The following ZC2HC1B variants were observed in gnomAD, a reference collection of about 807,000 sequenced individuals.
ZC2HC1B encodes zinc finger C2HC-type containing 1B, also known as zinc finger C2HC domain-containing protein 1B.
A neutral mutation model predicts 31.0 loss-of-function variants in ZC2HC1B; 36 were observed. The observed-to-expected ratio is 1.16, with a 90% CI of 0.89 to 1.54. ZC2HC1B has a LOEUF of 1.54. Ranked by LOEUF, ZC2HC1B falls within the 40% of genes most tolerant of loss-of-function variation. The pLI, the probability that ZC2HC1B is intolerant of heterozygous loss-of-function variation, is 0.00. For missense variants in ZC2HC1B, 260 were observed against 268.6 expected (o/e 0.97, Z 0.22); for synonymous variants, 73 against 88.0 (o/e 0.83, Z 0.95).
rs1283789390 is a variant in ZC2HC1B, at chr6:143,898,705, C to T, written c.489+14C>T. ...TCCAGAGCTCAGGTAACTATCTCTC[C>T]CCAGGTGTTGGCTCTTGTGCCCTTG... On this transcript the variant is annotated intron_variant, in intron 5 of 7. Coordinates refer to ENST00000237275, the MANE Select transcript of ZC2HC1B (RefSeq NM_001013623.3). The T allele has an allele frequency of 6.4e-7, 1 of 1,551,924 alleles. No individual in the cohort carries two copies. The highest frequency in any genetic ancestry group is 8.7e-7 in the Non-Finnish European group (1 of 1,146,958).
rs1777512420 is a variant in ZC2HC1B, at chr6:143,884,922, G to A, written c.90+557G>A. On this transcript the variant is annotated intron_variant, in intron 2 of 7. Coordinates refer to ENST00000237275, the MANE Select transcript of ZC2HC1B (RefSeq NM_001013623.3). The surrounding 1 kb of genome is among the most constrained non-coding windows in gnomAD (Gnocchi z 5.1). ...AATTGTTGTACAGATTCAAGCTAACGGCATGTCAAGTCCCCGATTGATGGC... is the reference window on the plus strand; with the variant it reads ...AATTGTTGTACAGATTCAAGCTAACAGCATGTCAAGTCCCCGATTGATGGC... 6.6e-6 allele frequency among the ~76,000 whole-genome samples: 1 copy of A among 152,086 alleles called. No individual in the cohort carries two copies. Among genetic ancestry groups the A allele is most frequent in the African/African-American group, 2.4e-5 (1 of 41,412 alleles).
chr6:143,866,347 A>G (rs1334782345), intron 1 of ZC2HC1B, among the ~76,000 whole-genome samples: 15 of 152,252 alleles, frequency 9.9e-5, no homozygotes. Context: ...CAGTTGTGCA[A>G]AACCATCTGG....
At chr6:143,909,906 CCTT>C (rs1777839287) in intron 6 of ZC2HC1B, among the ~76,000 whole-genome samples, 3 of 151,732 alleles carry the variant, frequency 2.0e-5, no homozygotes, top group East Asian at 3.9e-4. Context: ...TTTGTTTTTA[CCTT>C]CTTCAGTTTA....
In ZC2HC1B at chr6:143,923,006, C is replaced by T. The variant is rs568846973; in HGVS notation, c.599-14643C>T. Among the ~76,000 whole-genome samples, 169 of 152,296 alleles carry T rather than the reference C, an allele frequency of 1.1e-3. 2 individuals carry two copies. Among genetic ancestry groups the T allele is most frequent in the African/African-American group, 3.7e-3 (153 of 41,580 alleles). ...TATAGAGTTCCCTTTTCTCCGCATC[C>T]TCACAAGCATCTGTTATTTCTTGCC... On this transcript the variant is annotated intron_variant, in intron 6 of 7. Transcript: ENST00000237275. This position sits in a 1 kb window ranked among gnomAD's most constrained non-coding sequence, Gnocchi z 4.8.
At position 143,890,793 on chromosome 6, in the gene ZC2HC1B, C is replaced by A. The variant is rs533023207; in HGVS notation, c.349+3972C>A. 6.6e-5 allele frequency among the ~76,000 whole-genome samples: 10 copies of A among 152,118 alleles called. No individual in the cohort carries two copies. The South Asian group carries it at 2.1e-3, about 32-fold the overall frequency. ...AACATTTCAGGATATAAGGTATAAA[C>A]AAGTGAGTTGTAGTTCTATATACTA... On this transcript the variant is annotated intron_variant, in intron 4 of 7. Coordinates refer to ENST00000237275, the MANE Select transcript of ZC2HC1B (RefSeq NM_001013623.3).
At position 143,870,400 on chromosome 6, in the gene ZC2HC1B, A is replaced by C. The variant is rs1406135739; in HGVS notation, c.28+5833A>C. Among the ~76,000 whole-genome samples the C allele has an allele frequency of 4.6e-5, 7 of 152,112 alleles. No homozygotes were observed. The highest frequency in any genetic ancestry group is 1.0e-4 in the Non-Finnish European group (7 of 68,024). On this transcript the variant is annotated intron_variant, in intron 1 of 7. Transcript: ENST00000237275. The surrounding 1 kb of genome is among the most constrained non-coding windows in gnomAD (Gnocchi z 4.7). Reference sequence around the variant, plus strand: ...GTCAACTGATCATAGAGAACTCCTCATGAGGCCATTGGTGCAGGCTAGGGG... The same window carrying C: ...GTCAACTGATCATAGAGAACTCCTCCTGAGGCCATTGGTGCAGGCTAGGGG...
chr6:143,935,640 A>G (rs1026445167), intron 6 of ZC2HC1B, among the ~76,000 whole-genome samples: 1 of 129,528 alleles, frequency 7.7e-6, no homozygotes, highest in Non-Finnish European at 1.6e-5. Context: ...GCCACTTGGT[A>G]TCACTCTTTT....
At chr6:143,867,145 A>G (rs1262088852) in intron 1 of ZC2HC1B, among the ~76,000 whole-genome samples, 2 of 152,188 alleles carry the variant, frequency 1.3e-5, no homozygotes, top group Non-Finnish European at 2.9e-5. Context: ...TCCCATCCCC[A>G]TGATATCTTG....
chr6:143,930,581 G>A (rs1778108080), intron 6 of ZC2HC1B, among the ~76,000 whole-genome samples: 2 of 151,720 alleles, frequency 1.3e-5, no homozygotes, highest in Admixed American at 6.6e-5. Context: ...AGTAGAGACG[G>A]GATTTCACCG....
intron 6 of ZC2HC1B, among the ~76,000 whole-genome samples, chr6:143,920,532 CA>C (rs1399355338): frequency 1.3e-5 from 2 of 152,074 alleles, no homozygotes; most frequent in African/African-American, 2.4e-5. Context: ...TAAATATAAG[CA>C]AAATGGTATT....
chr6:143,870,203 C>T lies in ZC2HC1B; in HGVS notation c.28+5636C>T, dbSNP rs562185146. 6.6e-6 allele frequency among the ~76,000 whole-genome samples: 1 copy of T among 152,310 alleles called. No individual in the cohort carries two copies. The highest frequency in any genetic ancestry group is 2.1e-4 in the South Asian group (1 of 4,824). ...TTCATGCAAAGTGCACAAGCAAGTG[C>T]ACTGTTCAAAGTTCTGCCCACTGGG... On this transcript the variant is annotated intron_variant, in intron 1 of 7. Coordinates refer to ENST00000237275, the MANE Select transcript of ZC2HC1B (RefSeq NM_001013623.3). This position sits in a 1 kb window ranked among gnomAD's most constrained non-coding sequence, Gnocchi z 4.7.
chr6:143,885,955 G>A lies in ZC2HC1B; in HGVS notation c.91-77G>A. 2 of 1,398,434 alleles carry A rather than the reference G, an allele frequency of 1.4e-6. No homozygotes were observed. Among genetic ancestry groups the A allele is most frequent in the South Asian group, 3.5e-5 (2 of 57,942 alleles). 86.6% of individuals were successfully genotyped at this position (1,398,434 alleles called of 1,614,324 possible). ...GAGCAAACATAGTCCCTGGAGTGGG[G>A]GCTGTCTAGGTACACCTAGGCATTA... is the stretch of plus-strand genomic sequence containing the variant. On this transcript the variant is annotated intron_variant, in intron 2 of 7. Coordinates refer to ENST00000237275, the MANE Select transcript of ZC2HC1B (RefSeq NM_001013623.3). This position sits in a 1 kb window ranked among gnomAD's most constrained non-coding sequence, Gnocchi z 4.2.
chr6:143,876,778 G>A (rs1218307199), intron 1 of ZC2HC1B, among the ~76,000 whole-genome samples: 1 of 150,676 alleles, frequency 6.6e-6, no homozygotes, highest in East Asian at 1.9e-4. Context: ...AGGGCTAGAA[G>A]CATCCAGCAC....
intron 5 of ZC2HC1B, among the ~76,000 whole-genome samples, chr6:143,900,795 G>A (rs13202317): frequency 0.059 from 8,975 of 152,204 alleles, 338 homozygotes; most frequent in Non-Finnish European, 0.083. Context: ...GAGGACATAT[G>A]GGTGGTGAGA....
At chr6:143,890,790 A>G (rs1777591481) in intron 4 of ZC2HC1B, among the ~76,000 whole-genome samples, 1 of 152,184 alleles carries the variant, frequency 6.6e-6, no homozygotes, top group Non-Finnish European at 1.5e-5. Flanking sequence ...TATAAGGTAT[A>G]AACAAGTGAG....
chr6:143,875,671 A>G lies in ZC2HC1B; in HGVS notation c.29-8633A>G, dbSNP rs533634158. Among the ~76,000 whole-genome samples the G allele has an allele frequency of 1.1e-3, 173 of 150,690 alleles. 15 individuals carry two copies. The highest frequency in any genetic ancestry group is 4.0e-3 in the African/African-American group (164 of 40,910). ...AGTGTATCGCACCTCCTCATGGGTCACATTCTCAACCTCACCTCTAGGGCC... is the reference window on the plus strand; with the variant it reads ...AGTGTATCGCACCTCCTCATGGGTCGCATTCTCAACCTCACCTCTAGGGCC... On this transcript the variant is annotated intron_variant, in intron 1 of 7. Coordinates refer to ENST00000237275, the MANE Select transcript of ZC2HC1B (RefSeq NM_001013623.3).
chr6:143,914,760 T>A (rs1345760415), intron 6 of ZC2HC1B, among the ~76,000 whole-genome samples: 1 of 152,218 alleles, frequency 6.6e-6, no homozygotes, highest in Non-Finnish European at 1.5e-5. Flanking sequence ...TTGTGTCTTG[T>A]AATCTTTTTT....
At chr6:143,898,470 T>C (rs1056329494) in intron 4 of ZC2HC1B, 82 bp from the exon 5 acceptor site, 2 of 1,466,204 alleles carry the variant, frequency 1.4e-6, no homozygotes, top group African/African-American at 1.4e-5. Context: ...TTTCACTTCA[T>C]GTAGTTCATT....
Position 143,885,809 on chromosome 6 carries a change from G to T in ZC2HC1B, c.91-223G>T, listed in dbSNP as rs572620234. On this transcript the variant is annotated intron_variant, in intron 2 of 7. Transcript: ENST00000237275. This position sits in a 1 kb window ranked among gnomAD's most constrained non-coding sequence, Gnocchi z 4.2. ...ACCCAAATTTGAAGTAAGTCTTTTA[G>T]CTATAAAGGCATTTTATTGTCTTTG... Among the ~76,000 whole-genome samples, 3 of 152,174 alleles carry T rather than the reference G, an allele frequency of 2.0e-5. No individual in the cohort carries two copies. The highest frequency in any genetic ancestry group is 2.1e-4 in the South Asian group (1 of 4,826).
Sources: gnomAD v4.1 joint callset for allele counts (sites outside exome capture counted in the v4.1 genomes callset) on GRCh38, gnomAD v4.1.1 for gene constraint, Gnocchi (gnomAD v3.1) non-coding constraint, MANE v1.5 for transcripts, NCBI Gene and HGNC (gene_info 2026-07-23, HGNC 2026-07-21) for gene names.